Variants in ARHGEF12 observed in about 807,000 individuals in gnomAD.
ARHGEF12 encodes KMT2A/ARHGEF12 fusion protein.
In ARHGEF12, 66 loss-of-function variants were observed where a neutral mutation model predicts 211.2. The ratio of observed to expected loss-of-function variants is 0.31; its 90% CI spans 0.26 to 0.38. ARHGEF12 has a LOEUF of 0.38. Ranked by LOEUF, ARHGEF12 falls within the 10% of genes least tolerant of loss-of-function variation. The probability of loss-of-function intolerance (pLI) is 1.00; values close to 1 mark genes in which losing one functional copy is unlikely to be tolerated. For missense variants in ARHGEF12, 1,429 were observed against 1,869.5 expected (o/e 0.76, Z 4.34); for synonymous variants, 592 against 638.4 (o/e 0.93, Z 1.09).
intron 1 of ARHGEF12, among the ~76,000 whole-genome samples, chr11:120,360,845 C>T (rs544522234): frequency 6.6e-6 from 1 of 152,246 alleles, no homozygotes; most frequent in South Asian, 2.1e-4. Context: ...TGGAATGTAG[C>T]AATGCATCCT....
intron 1 of ARHGEF12, among the ~76,000 whole-genome samples, chr11:120,383,677 C>T (rs1046580838): frequency 1.5e-4 from 23 of 152,070 alleles, no homozygotes; most frequent in Non-Finnish European, 2.6e-4. Flanking sequence ...GGTGGTAATG[C>T]GAGTGATGGG....
chr11:120,438,178 C>T (rs1945751814), intron 12 of ARHGEF12, among the ~76,000 whole-genome samples: 1 of 152,146 alleles, frequency 6.6e-6, no homozygotes, highest in South Asian at 2.1e-4. Context: ...ATTTTGTCAT[C>T]TTTTTATTGT....
intron 5 of ARHGEF12, among the ~76,000 whole-genome samples, 165 bp from the exon 6 acceptor site, chr11:120,421,638 A>G (rs1314635216): frequency 1.3e-5 from 2 of 151,810 alleles, no homozygotes; most frequent in Non-Finnish European, 1.5e-5. Context: ...GGGTTTTACC[A>G]TGTTGGCCAG....
intron 29 of ARHGEF12, among the ~76,000 whole-genome samples, chr11:120,468,349 A>G (rs573952625): frequency 2.3e-4 from 35 of 152,292 alleles, no homozygotes; most frequent in African/African-American, 7.7e-4. Context: ...GTGTAGTTAG[A>G]CTGTGGTTTG....
chr11:120,393,032 T>G (rs1318898086), intron 1 of ARHGEF12, among the ~76,000 whole-genome samples: 1 of 152,170 alleles, frequency 6.6e-6, no homozygotes, highest in African/African-American at 2.4e-5. Flanking sequence ...GGCTGTGGTT[T>G]CTGGGGTAAC....
chr11:120,460,225 T>C (rs370902069), intron 26 of ARHGEF12, among the ~76,000 whole-genome samples: 13 of 152,232 alleles, frequency 8.5e-5, no homozygotes, highest in African/African-American at 3.1e-4. Flanking sequence ...GCTAACTAAA[T>C]TGATGCCTTT....
intron 4 of ARHGEF12, among the ~76,000 whole-genome samples, chr11:120,414,702 C>T (rs769147037): frequency 2.6e-5 from 4 of 152,186 alleles, no homozygotes; most frequent in Non-Finnish European, 4.4e-5. Context: ...AACAATGGGA[C>T]GGAAGAAGTA....
intron 1 of ARHGEF12, among the ~76,000 whole-genome samples, chr11:120,369,699 C>T (rs1195984459): frequency 2.6e-5 from 4 of 152,316 alleles, no homozygotes; most frequent in South Asian, 2.1e-4. Context: ...GAGAAGCTTG[C>T]GCTCTTAGTG....
intron 1 of ARHGEF12, among the ~76,000 whole-genome samples, chr11:120,395,083 TAAGG>T (rs1199556583): frequency 7.9e-6 from 1 of 126,276 alleles, no homozygotes; most frequent in African/African-American, 3.0e-5. Flanking sequence ...AAAAAAAAGA[TAAGG>T]GAGCATTATG....
At position 120,473,243 on chromosome 11, in the gene ARHGEF12, A is replaced by T. The variant is rs139926824; in HGVS notation, c.3033+116A>T. 57 of 876,756 alleles carry T rather than the reference A, an allele frequency of 6.5e-5. No individual in the cohort carries two copies. In the East Asian group the frequency reaches 1.3e-3, roughly 20 times the overall value. The allele number at this position is 876,756 out of a possible 1,614,324, so 54.3% of individuals were successfully genotyped here. A position where few individuals can be genotyped will look rare whatever the true frequency, so the allele number is the denominator to read the frequency against. ...ACCTGAAGGAGTTCTTGTATCGTAG[A>T]TTATCTGTATTTATGATTTTTTTTG... On this transcript the variant is annotated intron_variant, in intron 31 of 40. Transcript: ENST00000397843.
intron 1 of ARHGEF12, among the ~76,000 whole-genome samples, chr11:120,364,819 T>C (rs1361823471): frequency 6.7e-6 from 1 of 150,308 alleles, no homozygotes; most frequent in South Asian, 2.1e-4. Flanking sequence ...TGTACCAATT[T>C]TTTTTTTTTT....
rs966105301 is a variant in ARHGEF12, at chr11:120,449,284, T to G, written c.1843+70T>G. The G allele has an allele frequency of 4.1e-6, 5 of 1,227,572 alleles. No individual in the cohort carries two copies. The African/African-American group carries it at 7.6e-5, about 19-fold the overall frequency. The allele number at this position is 1,227,572 out of a possible 1,614,324, so 76.0% of individuals were successfully genotyped here. A position where few individuals can be genotyped will look rare whatever the true frequency, so the allele number is the denominator to read the frequency against. On this transcript the variant is annotated intron_variant, in intron 21 of 40. Coordinates refer to ENST00000397843, the MANE Select transcript of ARHGEF12 (RefSeq NM_015313.3). The stretch of plus-strand genomic sequence containing the variant: ...TCTTCACATCAGAGGCTTCTTCAGC[T>G]AGAATGAATTTCTGGAGAAAGGAGT...
intron 4 of ARHGEF12, among the ~76,000 whole-genome samples, chr11:120,415,694 T>C (rs756974280): frequency 6.6e-6 from 1 of 152,172 alleles, no homozygotes; most frequent in Admixed American, 6.5e-5. Flanking sequence ...AGGACTGGAT[T>C]TCTGAATTTT....
chr11:120,412,252 C>T (rs534616258), intron 4 of ARHGEF12, among the ~76,000 whole-genome samples: 3 of 152,290 alleles, frequency 2.0e-5, no homozygotes, highest in East Asian at 1.9e-4. Context: ...GCTGCTTAAC[C>T]GCTGTCATGG....
intron 1 of ARHGEF12, among the ~76,000 whole-genome samples, chr11:120,362,538 A>C (rs1016981227): frequency 6.6e-6 from 1 of 152,202 alleles, no homozygotes; most frequent in African/African-American, 2.4e-5. Context: ...AAACTGATGA[A>C]ATCTGAGCAC....
intron 4 of ARHGEF12, among the ~76,000 whole-genome samples, chr11:120,418,185 C>G (rs1305134179): frequency 6.6e-6 from 1 of 152,250 alleles, no homozygotes; most frequent in Non-Finnish European, 1.5e-5. Context: ...ATTTCCATCA[C>G]TGCAGAAAGT....
rs375049885 is a variant in ARHGEF12, at chr11:120,480,324, T to G, written c.4131T>G (p.Ser1377Arg). 1.2e-6 allele frequency: 2 copies of G among 1,614,050 alleles called. No individual in the cohort carries two copies. The highest frequency in any genetic ancestry group is 2.7e-5 in the African/African-American group (2 of 75,018). ...AGCCAGAAGGGGGTCTTGATGACAGTGGAGAGCACTTTTTTGATGCCCGTG... is the reference window on the plus strand; with the variant it reads ...AGCCAGAAGGGGGTCTTGATGACAGGGGAGAGCACTTTTTTGATGCCCGTG... ...TMEPEGGLDDSGEHFFDAREA... is the reference protein window; with the variant it reads ...TMEPEGGLDDRGEHFFDAREA... The change falls in exon 38 of 41, where the codon AGT becomes AGG. Residue 1377 changes from serine to arginine, a missense_variant. Ser to Arg is a moderately radical substitution (Grantham distance 110). Coordinates refer to ENST00000397843, the MANE Select transcript of ARHGEF12 (RefSeq NM_015313.3).
intron 1 of ARHGEF12, among the ~76,000 whole-genome samples, chr11:120,373,693 TC>T (rs564206039): frequency 6.6e-6 from 1 of 152,202 alleles, no homozygotes; most frequent in Admixed American, 6.5e-5. Flanking sequence ...TATGTTTTTT[TC>T]CCCCTTCTAT....
At chr11:120,436,108 T>C (rs1321644895) in intron 11 of ARHGEF12, among the ~76,000 whole-genome samples, 1 of 152,142 alleles carries the variant, frequency 6.6e-6, no homozygotes, top group Non-Finnish European at 1.5e-5. Context: ...GAAGGGTATA[T>C]GTGTGTAATA....
Sources: allele counts gnomAD v4.1 joint callset (sites outside exome capture counted in the v4.1 genomes callset), GRCh38; gene constraint gnomAD v4.1.1; transcripts MANE v1.5; gene names NCBI Gene and HGNC (gene_info 2026-07-23, HGNC 2026-07-21).